Variants in MUTYH observed in about 807,000 individuals in gnomAD.
MUTYH encodes mutY DNA glycosylase, also known as adenine DNA glycosylase.
In MUTYH, 64 loss-of-function variants were observed where a neutral mutation model predicts 72.9. That is an observed-to-expected ratio of 0.88 (90% CI 0.72 to 1.08). MUTYH has a LOEUF of 1.08. Ranked by LOEUF, MUTYH falls within the 50% of genes least tolerant of loss-of-function variation. The pLI is 0.00. For synonymous variants in MUTYH, 234 were observed against 263.1 expected, an observed-to-expected ratio of 0.89 and a Z score of 1.07; for missense variants, 633 against 671.0, an observed-to-expected ratio of 0.94 and a Z score of 0.63.
upstream of MUTYH, chr1:45,340,340 T>A (rs750065907): frequency 1.3e-6 from 2 of 1,597,648 alleles, no homozygotes; most frequent in Non-Finnish European, 1.7e-6. Context: ...TCAAAGCCTC[T>A]GCGCTCTGGG....
chr1:45,340,397 C>T, upstream of MUTYH: 3 of 1,544,278 alleles, frequency 1.9e-6, no homozygotes, highest in Non-Finnish European at 2.6e-6. Flanking sequence ...CCTCAAGCTT[C>T]AGAGGACTGC....
chr1:45,330,916 C>T (rs1230933378), intron 14 of MUTYH, among the ~76,000 whole-genome samples: 2 of 151,706 alleles, frequency 1.3e-5, no homozygotes, highest in East Asian at 3.9e-4. Flanking sequence ...GAAACCTCAT[C>T]TCTACTAAAA....
intron 8 of MUTYH, 42 bp from the exon 9 acceptor site, chr1:45,332,530 A>G: frequency 1.9e-6 from 3 of 1,613,958 alleles, no homozygotes; most frequent in Non-Finnish European, 2.5e-6. Context: ...GCTGGGAGGA[A>G]GGAGGCTGGG....
rs1557461219 is a variant in MUTYH, at chr1:45,331,509, A to G, written c.1150T>C (p.Ser384Pro). The G allele has an allele frequency of 6.2e-7, 1 of 1,614,012 alleles. No individual in the cohort carries two copies. Among genetic ancestry groups the G allele is most frequent in the African/African-American group, 1.3e-5 (1 of 74,940 alleles). The stretch of plus-strand genomic sequence containing the variant: ...AGGGCCTTGCGCTGAAGCTGCTCTG[A>G]GGGCTCCCAGGTCACGGACGGGAAC... The part of the protein sequence containing the change: ...WEFPSVTWEP[S>P]EQLQRKALLQ... Residue 384 changes from serine to proline, a missense_variant, in exon 13 of 16, where the codon TCA becomes CCA. Physicochemically the swap from Ser to Pro is moderately conservative, Grantham distance 74. Coordinates refer to ENST00000456914, the MANE Select transcript of MUTYH (RefSeq NM_001048174.2).
At position 45,331,790 on chromosome 1, in the gene MUTYH, G is replaced by A. The variant is rs1570386293; in HGVS notation, c.973C>T (p.Leu325=). 1 of 1,613,220 alleles carries A rather than the reference G, an allele frequency of 6.2e-7. No homozygotes were observed. Among genetic ancestry groups the A allele is most frequent in the Non-Finnish European group, 8.5e-7 (1 of 1,179,562 alleles). ...TTTCTGGGGAAGTTGACCACTCCCA[G>A]GGTCTGGTCCCAGGGCTCCGAGGGA... ...LPPSEPWDQT[L]GVVNFPRKAS... is the part of the protein sequence containing the mutation. The change falls in exon 12 of 16, where the codon CTG becomes TTG. Residue 325 remains leucine (L), a synonymous_variant. Coordinates refer to ENST00000456914, the MANE Select transcript of MUTYH (RefSeq NM_001048174.2).
intron 1 of MUTYH, chr1:45,338,245 T>G (rs1263234702): frequency 1.9e-6 from 1 of 532,824 alleles, no homozygotes; most frequent in Admixed American, 2.2e-5. Flanking sequence ...GCAGTCCTCT[T>G]ACTACAGCCT....
intron 3 of MUTYH, 43 bp from the exon 4 acceptor site, chr1:45,333,367 T>C (rs547423913): frequency 1.2e-6 from 2 of 1,613,928 alleles, no homozygotes; most frequent in African/African-American, 2.7e-5. Flanking sequence ...TGGAGGGGGC[T>C]GGGTGCCTGC....
intron 1 of MUTYH, among the ~76,000 whole-genome samples, chr1:45,334,974 G>A (rs1645662648): frequency 6.6e-6 from 1 of 152,116 alleles, no homozygotes; most frequent in Non-Finnish European, 1.5e-5. Context: ...TATCCTAGAA[G>A]AAACCAAGGA....
At chr1:45,334,323 C>A (rs2149185378) in intron 2 of MUTYH, 68 bp downstream of exon 2, 2 of 1,607,858 alleles carry the variant, frequency 1.2e-6, no homozygotes, top group East Asian at 4.5e-5. Flanking sequence ...ATACGTATCA[C>A]AATCCCTTCC....
chr1:45,334,810 G>T (rs920898509), intron 1 of MUTYH, among the ~76,000 whole-genome samples: 1 of 152,324 alleles, frequency 6.6e-6, no homozygotes, highest in South Asian at 2.1e-4. Flanking sequence ...GAGCATTTGT[G>T]TATCTCTGAT....
rs1451314352 is a variant in MUTYH at position 45,329,396 on chromosome 1, T to C, written c.1476A>G (p.Lys492=). 1.2e-6 allele frequency: 2 copies of C among 1,614,178 alleles called. No individual in the cohort carries two copies. Among genetic ancestry groups the C allele is most frequent in the East Asian group, 2.2e-5 (1 of 44,872 alleles). The stretch of plus-strand genomic sequence containing the variant: ...GGACTTGCTGGCCCATGCGGGGCTT[T>C]TTCCGACTGCACGGAGAGGACACCT... ...RSQVSSPCSR[K]KPRMGQQVLD... is the part of the protein sequence containing the mutation. Residue 492 remains lysine (K), a synonymous_variant, in exon 16 of 16, where the codon AAA becomes AAG. Transcript: ENST00000456914.
chr1:45,329,280 T>G lies in MUTYH; in HGVS notation c.*26A>C, dbSNP rs2149086638. On this transcript the variant is annotated 3_prime_UTR_variant, in exon 16 of 16. Transcript: ENST00000456914. ...AAGCACTTTACTAACAACAGGATTC[T>G]CAGGGAATGGGGGCTTTCAGAGGTG... The G allele has an allele frequency of 2.5e-6, 4 of 1,614,104 alleles. No individual in the cohort carries two copies. Among genetic ancestry groups the G allele is most frequent in the Non-Finnish European group, 3.4e-6 (4 of 1,179,974 alleles).
upstream of MUTYH, chr1:45,340,106 G>A (rs1646778237): frequency 6.4e-7 from 1 of 1,554,364 alleles, no homozygotes. Flanking sequence ...TCCCCGCGCC[G>A]GACCCGGGAC....
intron 1 of MUTYH, among the ~76,000 whole-genome samples, chr1:45,337,201 TG>T (rs1646022656): frequency 6.6e-6 from 1 of 151,574 alleles, no homozygotes; most frequent in South Asian, 2.1e-4. Context: ...TGGAGTGCAG[TG>T]GTGTGATCTT....
At chr1:45,334,059 T>G in intron 2 of MUTYH, 6 of 388,268 alleles carry the variant, frequency 1.5e-5, no homozygotes, top group South Asian at 1.3e-4. Flanking sequence ...CAGACTGAAA[T>G]GCAGTTGCAT....
intron 2 of MUTYH, among the ~76,000 whole-genome samples, chr1:45,333,792 T>C (rs1415755604): frequency 1.3e-5 from 2 of 152,216 alleles, no homozygotes; most frequent in Non-Finnish European, 2.9e-5. Flanking sequence ...TGAGCCATAA[T>C]GAAAACCTAA....
At position 45,332,163 on chromosome 1, in the gene MUTYH, T is replaced by G. The variant is rs587780751; in HGVS notation, c.849+3A>C. 9.0e-5 allele frequency: 145 copies of G among 1,614,040 alleles called. No individual in the cohort carries two copies. Among genetic ancestry groups the G allele is most frequent in the Non-Finnish European group, 1.2e-4 (141 of 1,180,020 alleles). On this transcript the variant is annotated splice_donor_region_variant and intron_variant, in intron 10 of 15. Coordinates refer to ENST00000456914, the MANE Select transcript of MUTYH (RefSeq NM_001048174.2). ...CTCACTGCCCCTTCCCCAGTAGGCTTACTCTCTGGCGTGCCCGGCACAGGC... is the reference window on the plus strand; with the variant it reads ...CTCACTGCCCCTTCCCCAGTAGGCTGACTCTCTGGCGTGCCCGGCACAGGC...
intron 2 of MUTYH, 102 bp from the exon 3 acceptor site, chr1:45,333,663 C>T (rs1012545880): frequency 6.6e-7 from 1 of 1,516,914 alleles, no homozygotes; most frequent in Admixed American, 1.9e-5. Flanking sequence ...CTTAGGGCTT[C>T]CCCCAACTAA....
In MUTYH at chr1:45,331,925, G is replaced by A. The variant is rs1008592824; in HGVS notation, c.914-76C>T. 59 of 1,611,214 alleles carry A rather than the reference G, an allele frequency of 3.7e-5. No homozygotes were observed. The South Asian group carries it at 4.4e-4, about 12-fold the overall frequency. ...CCAACCTAGAGAGTGGGCTTTGGCC[G>A]GGTTCTGCAGAATCTTACTCAGGTT... is the stretch of plus-strand genomic sequence containing the variant. On this transcript the variant is annotated intron_variant, in intron 11 of 15. Transcript: ENST00000456914.
Sources: allele counts gnomAD v4.1 joint callset (sites outside exome capture counted in the v4.1 genomes callset), GRCh38; gene constraint gnomAD v4.1.1; transcripts MANE v1.5; gene names NCBI Gene and HGNC (gene_info 2026-07-23, HGNC 2026-07-21).